CROCC2: variants seen among roughly 807,000 people sequenced by gnomAD.
CROCC2 encodes ciliary rootlet coiled-coil, rootletin family member 2.
In CROCC2, 163 loss-of-function variants were observed where a neutral mutation model predicts 177.6. The observed-to-expected ratio is 0.92, with a 90% CI of 0.81 to 1.05. CROCC2 has a LOEUF of 1.05. CROCC2 is among the 50% of genes least tolerant of loss of function. The pLI, the probability that CROCC2 is intolerant of heterozygous loss-of-function variation, is 0.00. For missense variants in CROCC2, 1,929 were observed against 1,797.8 expected, an observed-to-expected ratio of 1.07 and a Z score of -1.32; for synonymous variants, 904 against 787.3, an observed-to-expected ratio of 1.15 and a Z score of -2.48.
intron 14 of CROCC2, among the ~76,000 whole-genome samples, chr2:240,940,885 T>C (rs1165972136): frequency 6.6e-6 from 1 of 152,090 alleles, no homozygotes; most frequent in Non-Finnish European, 1.5e-5. Flanking sequence ...GGCATCCAAA[T>C]CAGTAAAGAG....
chr2:240,983,773 G>GCT lies in CROCC2; in HGVS notation c.4551+748_4551+749dup, dbSNP rs142316596. 5.7e-3 allele frequency: 2,533 copies of GCT among 444,716 alleles called. 73 individuals carry two copies. Among genetic ancestry groups the GCT allele is most frequent in the African/African-American group, 0.051 (2,295 of 45,404 alleles). The allele number at this position is 444,716 out of a possible 1,614,324, so 27.5% of individuals were successfully genotyped here. A position where few individuals can be genotyped will look rare whatever the true frequency, so the allele number is the denominator to read the frequency against. On this transcript the variant is annotated intron_variant, in intron 28 of 31. Coordinates refer to ENST00000690015, the MANE Select transcript of CROCC2 (RefSeq NM_001351305.2). ...GTGGTGTCGTGTGCGCCCTGCCTTG[G>GCT]CTCTCCCTGGGGAGGCACCATGGGT... is the stretch of plus-strand genomic sequence containing the variant.
intron 26 of CROCC2, 126 bp from the exon 27 acceptor site, chr2:240,967,984 GGCAGCCCCAGGACCCTTGA>G (rs1574786945): frequency 1.2e-6 from 1 of 809,776 alleles, no homozygotes; most frequent in Non-Finnish European, 1.7e-6. Flanking sequence ...GGGACCCTGG[GGCAGCCCCAGGACCCTTGA>G]GCTGCAAGGA....
In CROCC2 at chr2:240,972,530, G is replaced by A. The variant is rs536805170; in HGVS notation, c.4401+4268G>A. On this transcript the variant is annotated intron_variant, in intron 27 of 31. Transcript: ENST00000690015. This position sits in a 1 kb window ranked among gnomAD's most constrained non-coding sequence, Gnocchi z 7.1. The stretch of plus-strand genomic sequence containing the variant: ...ACCCCTGCAGCTCCCTCCAGCCCTC[G>A]CCCTTCTGAGTCAGGGTATGGGGAC... Among the ~76,000 whole-genome samples, 6 of 152,078 alleles carry A rather than the reference G, an allele frequency of 3.9e-5. No individual in the cohort carries two copies. The highest frequency in any genetic ancestry group is 3.9e-4 in the East Asian group (2 of 5,162).
intron 27 of CROCC2, among the ~76,000 whole-genome samples, chr2:240,969,050 CT>C (rs978251587): frequency 1.3e-5 from 2 of 152,246 alleles, no homozygotes; most frequent in Non-Finnish European, 2.9e-5. Context: ...CTGGCTGAGG[CT>C]CCCCAGGGCA....
In CROCC2 at chr2:240,968,124, C is replaced by T. The variant is rs1427105093; in HGVS notation, c.4268-5C>T. On this transcript the variant is annotated splice_region_variant and splice_polypyrimidine_tract_variant and intron_variant, in intron 26 of 31. Transcript: ENST00000690015. ...GCCCCTCAAGCCACCCTGCTTGCCC[C>T]ACAGGCCAGCGCCGGGTGGAGGGCG... The T allele has an allele frequency of 2.1e-6, 3 of 1,444,016 alleles. No homozygotes were observed. Among genetic ancestry groups the T allele is most frequent in the Non-Finnish European group, 2.7e-6 (3 of 1,099,706 alleles). 89.5% of individuals were successfully genotyped at this position (1,444,016 alleles called of 1,614,324 possible).
chr2:240,950,352 C>T lies in CROCC2; in HGVS notation c.2671C>T (p.Leu891=). 1 of 1,550,058 alleles carries T rather than the reference C, an allele frequency of 6.5e-7. No homozygotes were observed. The highest frequency in any genetic ancestry group is 1.2e-5 in the South Asian group (1 of 84,026). The stretch of plus-strand genomic sequence containing the variant: ...GGCCCAGGAGACCCTGAGCCTGACC[C>T]TGGCAGAGGAGAAGGAGGTAGCCAG... ...QREKETLSLT[L]AEEKEVARCQ... The change falls in exon 18 of 32, where the codon CTG becomes TTG. Residue 891 remains leucine (L), a synonymous_variant. Transcript: ENST00000690015.
At position 240,915,029 on chromosome 2, in the gene CROCC2, C is replaced by A. The variant is rs891592215; in HGVS notation, c.79-3697C>A. ...TTTCGGTGCAGACCTACAGTCCCTG[C>A]GCCCTCCCTGCAGGCGGAAGCCTTT... On this transcript the variant is annotated intron_variant, in intron 1 of 31. Coordinates refer to ENST00000690015, the MANE Select transcript of CROCC2 (RefSeq NM_001351305.2). 3.9e-5 allele frequency among the ~76,000 whole-genome samples: 6 copies of A among 152,346 alleles called. No individual in the cohort carries two copies. In the South Asian group the frequency reaches 1.0e-3, roughly 26 times the overall value.
intron 2 of CROCC2, among the ~76,000 whole-genome samples, chr2:240,919,136 CGTGGGGG>C: frequency 7.1e-6 from 1 of 141,718 alleles, no homozygotes; most frequent in African/African-American, 2.7e-5. Flanking sequence ...AAGGTGACAG[CGTGGGGG>C]ACAGTCCTGG....
At chr2:240,941,424 A>C (rs2059493950) in intron 14 of CROCC2, among the ~76,000 whole-genome samples, 2 of 152,238 alleles carry the variant, frequency 1.3e-5, no homozygotes, top group Non-Finnish European at 2.9e-5. Context: ...ACCCAACTTC[A>C]AACTATACTA....
chr2:240,941,656 T>C (rs2059495267), intron 14 of CROCC2, among the ~76,000 whole-genome samples: 1 of 152,240 alleles, frequency 6.6e-6, no homozygotes, highest in South Asian at 2.1e-4. Flanking sequence ...TGTTTCTTTT[T>C]GTTAGTTTTA....
At position 240,971,945 on chromosome 2, in the gene CROCC2, A is replaced by C. The variant is rs1280194747; in HGVS notation, c.4401+3683A>C. ...CCCCACGGTGGCCTCGTTCGGCCTG[A>C]GTTTTCATTTTGGATTGTCCACCTC... On this transcript the variant is annotated intron_variant, in intron 27 of 31. Transcript: ENST00000690015. 1.3e-5 allele frequency among the ~76,000 whole-genome samples: 2 copies of C among 151,932 alleles called. 1 individual carries two copies. Among genetic ancestry groups the C allele is most frequent in the East Asian group, 3.9e-4 (2 of 5,190 alleles).
At position 240,922,522 on chromosome 2, in the gene CROCC2, C is replaced by G. The variant is rs1489508348; in HGVS notation, c.382-17C>G. 2.9e-6 allele frequency: 2 copies of G among 693,978 alleles called. No homozygotes were observed. Among genetic ancestry groups the G allele is most frequent in the South Asian group, 3.0e-5 (2 of 66,552 alleles). 43.0% of individuals were successfully genotyped at this position (693,978 alleles called of 1,614,324 possible). A position where few individuals can be genotyped will look rare whatever the true frequency, so the allele number is the denominator to read the frequency against. On this transcript the variant is annotated splice_polypyrimidine_tract_variant and intron_variant, in intron 3 of 31. Coordinates refer to ENST00000690015, the MANE Select transcript of CROCC2 (RefSeq NM_001351305.2). ...TTCAGGAGCAGCCAGACCAGGTGGG[C>G]TATTGCTCCTCCCCAGCTGCAGGCC...
rs1485262167 is a variant in CROCC2 at position 240,933,104 on chromosome 2, G to A, written c.1252-27G>A. 3.9e-6 allele frequency: 6 copies of A among 1,549,382 alleles called. No individual in the cohort carries two copies. In the South Asian group the frequency reaches 4.8e-5, roughly 12 times the overall value. ...GGGCAAAGCCTGCCTAGGCCAGAGAGGCCCACAACTTACCCCACCCGAGCA... is the reference window on the plus strand; with the variant it reads ...GGGCAAAGCCTGCCTAGGCCAGAGAAGCCCACAACTTACCCCACCCGAGCA... On this transcript the variant is annotated intron_variant, in intron 9 of 31. Transcript: ENST00000690015.
At chr2:240,933,473 C>A in intron 10 of CROCC2, 131 bp downstream of exon 10, 1 of 1,149,142 alleles carries the variant, frequency 8.7e-7, no homozygotes, top group Non-Finnish European at 1.2e-6. Flanking sequence ...TGCCTTCTAG[C>A]AGAGTTGTGT....
chr2:240,963,301 C>A (rs6733049), intron 20 of CROCC2: 2 of 502,728 alleles, frequency 4.0e-6, no homozygotes, highest in Admixed American at 3.2e-5. Flanking sequence ...GAGGCCGCAG[C>A]GTGGGGCCGG....
Position 240,993,259 on chromosome 2 carries a change from T to C in CROCC2, c.*178T>C. ...GGCTGCTCATGGGGAACATTTGAAA[T>C]GCATGTGGGGGCCTCCGAATTTTGA... On this transcript the variant is annotated 3_prime_UTR_variant, in exon 32 of 32. Transcript: ENST00000690015. 1 of 552,994 alleles carries C rather than the reference T, an allele frequency of 1.8e-6. No homozygotes were observed. Among genetic ancestry groups the C allele is most frequent in the African/African-American group, 1.9e-5 (1 of 52,528 alleles). The allele number at this position is 552,994 out of a possible 1,614,324, so 34.3% of individuals were successfully genotyped here.
At chr2:240,911,323 G>A (rs1434207621) in intron 1 of CROCC2, among the ~76,000 whole-genome samples, 1 of 123,950 alleles carries the variant, frequency 8.1e-6, no homozygotes, top group East Asian at 2.5e-4. Flanking sequence ...TTTAGACAGA[G>A]TTGGTCTCTG....
Position 240,963,628 on chromosome 2 carries a change from G to T in CROCC2, c.3160G>T (p.Val1054Phe), listed in dbSNP as rs984809518. ...LAALRQELQG[V>F]EESREGLHRE... ...CGCACTGCGCCAGGAGCTGCAGGGC[G>T]TCGAGGAGAGCCGGGAGGGGCTGCA... Residue 1054 changes from valine (V) to phenylalanine (F), a missense_variant, in exon 21 of 32, where the codon GTC (valine) becomes TTC (phenylalanine). Around this residue, in one of 3 missense-constraint regions of CROCC2, gnomAD observed 1,397 missense variants for 1,239.9 expected, o/e 1.13. Transcript: ENST00000690015. 6 of 1,549,344 alleles carry T rather than the reference G, an allele frequency of 3.9e-6. No individual in the cohort carries two copies. Among genetic ancestry groups the T allele is most frequent in the Non-Finnish European group, 5.2e-6 (6 of 1,146,682 alleles).
At chr2:240,932,546 T>A in intron 8 of CROCC2, 132 bp downstream of exon 8, 1 of 689,182 alleles carries the variant, frequency 1.5e-6, no homozygotes, top group Non-Finnish European at 2.7e-6. Flanking sequence ...GCAGTGCACT[T>A]TGAGGCACGT....
Sources: allele counts gnomAD v4.1 joint callset (sites outside exome capture counted in the v4.1 genomes callset), GRCh38; gene constraint gnomAD v4.1.1; regional missense constraint gnomAD v4.1.1; non-coding constraint Gnocchi (gnomAD v3.1); transcripts MANE v1.5; gene names NCBI Gene and HGNC (gene_info 2026-07-23, HGNC 2026-07-21).